The following SDK1 variants were observed in gnomAD, a reference collection of about 807,000 sequenced individuals.
The protein encoded by SDK1 is sidekick cell adhesion molecule 1.
SDK1 carries 157 observed loss-of-function variants against 245.5 expected under a neutral mutation model. The observed-to-expected ratio is 0.64, with a 90% confidence interval of 0.56 to 0.73. SDK1 has a LOEUF of 0.73. Ranked by LOEUF, SDK1 falls within the 30% of genes least tolerant of loss-of-function variation. The pLI is 0.00. For synonymous variants in SDK1, 1,647 were observed against 1,278.5 expected (o/e 1.29, Z -6.15); for missense variants, 3,583 against 3,002.3 (o/e 1.19, Z -4.52).
intron 1 of SDK1, among the ~76,000 whole-genome samples, chr7:3,438,240 A>G (rs1159078378): frequency 1.3e-5 from 2 of 152,332 alleles, no homozygotes; most frequent in Non-Finnish European, 2.9e-5. Context: ...ATTATTTTAT[A>G]TTCCCAATGA....
chr7:3,403,824 CATATATATATATATATATATATAT>C (rs10650660), intron 1 of SDK1, among the ~76,000 whole-genome samples: 1,268 of 60,758 alleles, frequency 0.021, 62 homozygotes, highest in African/African-American at 0.058. Context: ...AAATATCTTA[CATATATATATATATATATATATAT>C]ATATATATAT....
intron 2 of SDK1, among the ~76,000 whole-genome samples, chr7:3,625,284 T>C (rs557660580): frequency 6.6e-6 from 1 of 152,306 alleles, no homozygotes; most frequent in East Asian, 1.9e-4. Flanking sequence ...CAGATAAATT[T>C]ACAAATATTT....
chr7:3,858,864 T>A (rs1780613116), intron 5 of SDK1, among the ~76,000 whole-genome samples: 1 of 118,960 alleles, frequency 8.4e-6, no homozygotes, highest in Non-Finnish European at 1.6e-5. Context: ...TTTTTCTTTT[T>A]TCTTTTTTTT....
chr7:4,155,318 G>A (rs1438715257), intron 30 of SDK1, among the ~76,000 whole-genome samples: 1 of 151,966 alleles, frequency 6.6e-6, no homozygotes. Context: ...CAAAACACAG[G>A]CCTCACGCTA....
At position 3,400,243 on chromosome 7, in the gene SDK1, C is replaced by T. The variant is rs549519923; in HGVS notation, c.298+98359C>T. Among the ~76,000 whole-genome samples the T allele has an allele frequency of 3.3e-5, 5 of 152,248 alleles. No individual in the cohort carries two copies. In the South Asian group the frequency reaches 1.0e-3, roughly 32 times the overall value. ...CAAGTTAAAATGCCATGAACCAAGCCTTTCTAGCCAAGATTCAGCAGCTTT... is the reference window on the plus strand; with the variant it reads ...CAAGTTAAAATGCCATGAACCAAGCTTTTCTAGCCAAGATTCAGCAGCTTT... On this transcript the variant is annotated intron_variant, in intron 1 of 44. Transcript: ENST00000404826.
At chr7:3,367,543 C>G (rs941686210) in intron 1 of SDK1, among the ~76,000 whole-genome samples, 9 of 152,150 alleles carry the variant, frequency 5.9e-5, no homozygotes, top group Non-Finnish European at 1.2e-4. Flanking sequence ...AAACAAGTGC[C>G]TAGTGATGTT....
chr7:3,509,861 G>C (rs1782521251), intron 1 of SDK1, among the ~76,000 whole-genome samples: 1 of 152,204 alleles, frequency 6.6e-6, no homozygotes, highest in Non-Finnish European at 1.5e-5. Flanking sequence ...TGTTAAGTCA[G>C]TGGTTCTCAG....
At chr7:3,809,789 C>T (rs1321578821) in intron 4 of SDK1, among the ~76,000 whole-genome samples, 1 of 152,150 alleles carries the variant, frequency 6.6e-6, no homozygotes, top group Admixed American at 6.5e-5. Context: ...CTGCCTGGTG[C>T]GCCTTTATCT....
intron 22 of SDK1, among the ~76,000 whole-genome samples, chr7:4,087,520 A>T (rs907106384): frequency 6.6e-6 from 1 of 151,570 alleles, no homozygotes; most frequent in Admixed American, 6.6e-5. Context: ...CTTTCTTAGG[A>T]TTTTCCCGGC....
intron 4 of SDK1, among the ~76,000 whole-genome samples, chr7:3,791,774 T>A (rs1308074396): frequency 1.3e-5 from 2 of 152,156 alleles, no homozygotes; most frequent in Admixed American, 6.5e-5. Context: ...GCCATTCTTT[T>A]CTGGGTCTTT....
At chr7:3,485,035 G>C (rs866310867) in intron 1 of SDK1, among the ~76,000 whole-genome samples, 2 of 152,142 alleles carry the variant, frequency 1.3e-5, no homozygotes, top group African/African-American at 2.4e-5. Flanking sequence ...GGAATTGCTA[G>C]ATCATATGGC....
chr7:4,042,675 C>T lies in SDK1; in HGVS notation c.2603-6673C>T, dbSNP rs930503597. Among the ~76,000 whole-genome samples the T allele has an allele frequency of 2.0e-5, 3 of 152,216 alleles. 1 individual carries two copies. The highest frequency in any genetic ancestry group is 1.9e-4 in the East Asian group (1 of 5,166). On this transcript the variant is annotated intron_variant, in intron 17 of 44. Coordinates refer to ENST00000404826, the MANE Select transcript of SDK1 (RefSeq NM_152744.4). Reference sequence around the variant, plus strand: ...GCTTAGTCTGAGCAGCGGGAGGCCACGCTGCACACTTGAAACCCCTTTTGC... The same window carrying T: ...GCTTAGTCTGAGCAGCGGGAGGCCATGCTGCACACTTGAAACCCCTTTTGC...
At chr7:3,614,680 C>T (rs1781712857) in intron 1 of SDK1, among the ~76,000 whole-genome samples, 1 of 152,166 alleles carries the variant, frequency 6.6e-6, no homozygotes, top group African/African-American at 2.4e-5. Flanking sequence ...GTATGTATTT[C>T]AATGGTAAAT....
intron 5 of SDK1, among the ~76,000 whole-genome samples, chr7:3,882,218 C>T (rs1348993655): frequency 3.3e-5 from 5 of 152,016 alleles, no homozygotes; most frequent in Non-Finnish European, 5.9e-5. Flanking sequence ...CTCCAAAACA[C>T]GTGGGAATTC....
chr7:3,361,216 C>T lies in SDK1; in HGVS notation c.298+59332C>T, dbSNP rs192449852. 4.5e-3 allele frequency among the ~76,000 whole-genome samples: 689 copies of T among 152,216 alleles called. 8 individuals carry two copies. The highest frequency in any genetic ancestry group is 0.015 in the African/African-American group (633 of 41,538). On this transcript the variant is annotated intron_variant, in intron 1 of 44. Transcript: ENST00000404826. ...CTGTAAACTCTTCGGGAGATTGAAACGGGAGGATTGCACTCGCATCTGGAT... is the reference window on the plus strand; with the variant it reads ...CTGTAAACTCTTCGGGAGATTGAAATGGGAGGATTGCACTCGCATCTGGAT...
At chr7:4,016,120 G>A (rs1786382535) in intron 16 of SDK1, among the ~76,000 whole-genome samples, 1 of 152,252 alleles carries the variant, frequency 6.6e-6, no homozygotes, top group Non-Finnish European at 1.5e-5. Flanking sequence ...GTGCTCAGGT[G>A]CCCTGCCCGC....
intron 34 of SDK1, among the ~76,000 whole-genome samples, chr7:4,178,127 C>T (rs994298574): frequency 2.0e-5 from 3 of 152,202 alleles, no homozygotes; most frequent in African/African-American, 4.8e-5. Flanking sequence ...GCTCACTCAC[C>T]CGCTACTCAC....
At chr7:3,806,656 G>T (rs143068973) in intron 4 of SDK1, among the ~76,000 whole-genome samples, 2 of 151,750 alleles carry the variant, frequency 1.3e-5, no homozygotes, top group African/African-American at 4.8e-5. Flanking sequence ...GAAATGTGAC[G>T]AGGACTAAGA....
intron 4 of SDK1, among the ~76,000 whole-genome samples, chr7:3,798,929 C>G (rs954128553): frequency 2.6e-5 from 4 of 152,220 alleles, no homozygotes; most frequent in Non-Finnish European, 5.9e-5. Flanking sequence ...ACCAGTGGAT[C>G]TTGCCTGCAG....
Sources: gnomAD v4.1 joint callset for allele counts (sites outside exome capture counted in the v4.1 genomes callset) on GRCh38, gnomAD v4.1.1 for gene constraint, MANE v1.5 for transcripts, NCBI Gene and HGNC (gene_info 2026-07-23, HGNC 2026-07-21) for gene names.